BMX: variants seen among roughly 807,000 people sequenced by gnomAD.
The protein encoded by BMX is cytoplasmic tyrosine-protein kinase BMX.
In BMX, 31 loss-of-function variants were observed where a neutral mutation model predicts 59.2. That is an observed-to-expected ratio of 0.52 (90% CI 0.39 to 0.71). The LOEUF is 0.71. Ranked by LOEUF, BMX falls within the 30% of genes least tolerant of loss-of-function variation. The pLI is 0.00. For missense variants in BMX, 474 were observed against 491.7 expected, an observed-to-expected ratio of 0.96 and a Z score of 0.34; for synonymous variants, 185 against 181.0, an observed-to-expected ratio of 1.02 and a Z score of -0.18.
chrX:15,532,646 A>G (rs1323712813), intron 11 of BMX, among the ~76,000 whole-genome samples: 1 of 112,176 alleles, frequency 8.9e-6, no homozygotes, highest in Non-Finnish European at 1.9e-5. Flanking sequence ...CATGTGCCCT[A>G]CCCCACAGTG....
At chrX:15,528,302 C>T (rs1010012208) in intron 9 of BMX, among the ~76,000 whole-genome samples, 9 of 111,817 alleles carry the variant, frequency 8.0e-5, no homozygotes, top group Admixed American at 2.8e-4. Flanking sequence ...ATGAGCAATT[C>T]CAGTCAATTC....
intron 4 of BMX, among the ~76,000 whole-genome samples, chrX:15,513,604 G>A (rs1924040601): frequency 8.9e-6 from 1 of 111,993 alleles, no homozygotes; most frequent in Non-Finnish European, 1.9e-5. Context: ...AGACATTTAA[G>A]ATAGAATTTT....
chrX:15,554,294 C>A (rs1465429996), intron 18 of BMX, among the ~76,000 whole-genome samples: 1 of 112,199 alleles, frequency 8.9e-6, no homozygotes, highest in Non-Finnish European at 1.9e-5. Flanking sequence ...TTGAAGAATT[C>A]TTGCCAATCT....
chrX:15,531,553 G>A, intron 11 of BMX, 146 bp downstream of exon 11: 22 of 515,844 alleles, frequency 4.3e-5, no homozygotes, highest in Non-Finnish European at 7.0e-5. Flanking sequence ...ACCATTTGTA[G>A]TTGCCTCCAC....
intron 18 of BMX, among the ~76,000 whole-genome samples, chrX:15,554,383 G>A (rs993556990): frequency 1.8e-5 from 2 of 111,272 alleles, no homozygotes; most frequent in Admixed American, 9.6e-5. Flanking sequence ...CTCTTTTCAC[G>A]TTTTTAAGGG....
In BMX at chrX:15,522,497, A is replaced by G. The variant is rs766149401; in HGVS notation, c.662A>G (p.Lys221Arg). Residue 221 changes from lysine to arginine, a missense_variant, in exon 7 of 19, where the codon AAG becomes AGG. Transcript: ENST00000348343. ...CTAGCGCAATATGACAGCAACTCAA[A>G]GAAAATCTATGGCTCCCAGCCAAAC... ...TSLAQYDSNS[K>R]KIYGSQPNFN... 1.7e-5 allele frequency: 20 copies of G among 1,211,066 alleles called. No homozygotes were observed. In the Middle Eastern group the frequency reaches 6.9e-4, roughly 42 times the overall value.
chrX:15,521,183 C>G (rs1924434522), intron 6 of BMX, among the ~76,000 whole-genome samples: 1 of 111,392 alleles, frequency 9.0e-6, no homozygotes, highest in Admixed American at 9.5e-5. Flanking sequence ...TCACAGAACC[C>G]CAGGGACACC....
At chrX:15,552,598 T>C (rs1926249738) in intron 18 of BMX, among the ~76,000 whole-genome samples, 2 of 112,247 alleles carry the variant, frequency 1.8e-5, no homozygotes, top group African/African-American at 6.5e-5. Context: ...TTAATTACTT[T>C]GGCTTTAATC....
At position 15,539,976 on chromosome X, in the gene BMX, G is replaced by T. The variant is rs147417540; in HGVS notation, c.1395-2006G>T. 9.9e-4 allele frequency among the ~76,000 whole-genome samples: 111 copies of T among 112,489 alleles called. No homozygotes were observed. The East Asian group carries it at 0.025, about 25-fold the overall frequency. On this transcript the variant is annotated intron_variant, in intron 14 of 18. Coordinates refer to ENST00000348343, the MANE Select transcript of BMX (RefSeq NM_203281.3). ...AGAGAAATAGGAACGCTTTTACACT[G>T]TTGGTGGGAGTGTAAATTATTTCAA...
At chrX:15,526,987 ATAACT>A (rs1302777357) in intron 9 of BMX, among the ~76,000 whole-genome samples, 8 of 109,459 alleles carry the variant, frequency 7.3e-5, no homozygotes, top group Non-Finnish European at 1.1e-4. Context: ...ACATTTTAAA[ATAACT>A]TAAAGAGTAT....
chrX:15,504,327 T>C (rs1256734433), intron 1 of BMX, among the ~76,000 whole-genome samples: 2 of 111,921 alleles, frequency 1.8e-5, no homozygotes, highest in Non-Finnish European at 3.8e-5. Context: ...CCTATCTCAA[T>C]TTACAGATCA....
chrX:15,538,132 TTCTC>T (rs1245860336), intron 14 of BMX, among the ~76,000 whole-genome samples: 18 of 108,674 alleles, frequency 1.7e-4, no homozygotes, highest in Non-Finnish European at 3.3e-4. Context: ...CCTCTGTGTC[TTCTC>T]TCTCTCTCTC....
At chrX:15,504,854 T>A (rs1323716602) in intron 1 of BMX, among the ~76,000 whole-genome samples, 1 of 112,052 alleles carries the variant, frequency 8.9e-6, no homozygotes, top group Non-Finnish European at 1.9e-5. Flanking sequence ...ATAGGTCTAT[T>A]CTATGTGGGT....
Position 15,531,327 on chromosome X carries a change from G to T in BMX, c.940-1G>T. 8.4e-7 allele frequency: 1 copy of T among 1,194,635 alleles called. No individual in the cohort carries two copies. Among genetic ancestry groups the T allele is most frequent in the East Asian group, 3.0e-5 (1 of 33,660 alleles). On this transcript the variant is annotated splice_acceptor_variant, in intron 10 of 18. Transcript: ENST00000348343. LOFTEE classifies it high-confidence loss of function. ...CCTTCTATATTTTCCTTCCTTTTCA[G>T]GGAAAAGAAGGAGCATTTATGGTTA...
chrX:15,555,478 G>C (rs886895328), intron 18 of BMX, among the ~76,000 whole-genome samples: 1 of 110,790 alleles, frequency 9.0e-6, no homozygotes, highest in Non-Finnish European at 1.9e-5. Context: ...CAGAGTGCTG[G>C]GATTACAGGC....
intron 18 of BMX, among the ~76,000 whole-genome samples, chrX:15,550,665 TACACACACAC>T (rs58905214): frequency 0.017 from 1,455 of 86,742 alleles, 14 homozygotes; most frequent in African/African-American, 0.03. Flanking sequence ...TCAAAGTCTT[TACACACACAC>T]ACACACACAC....
At chrX:15,527,248 ATATATATATATATATAT>A (rs1178056042) in intron 9 of BMX, among the ~76,000 whole-genome samples, 3 of 5,034 alleles carry the variant, frequency 6.0e-4, no homozygotes, top group African/African-American at 1.4e-3. Context: ...ACACACACAA[ATATATATATATATATAT>A]ATATATATAT....
At chrX:15,551,543 A>ATAT (rs1449858725) in intron 18 of BMX, among the ~76,000 whole-genome samples, 34 of 98,920 alleles carry the variant, frequency 3.4e-4, no homozygotes, top group African/African-American at 1.1e-3. Flanking sequence ...ATATATATAT[A>ATAT]TTTTTTTTTT....
At chrX:15,533,567 C>T (rs1925186504) in intron 11 of BMX, among the ~76,000 whole-genome samples, 1 of 112,537 alleles carries the variant, frequency 8.9e-6, no homozygotes, top group African/African-American at 3.2e-5. Flanking sequence ...AAGCCTGGTT[C>T]TTGACCACTA....
Sources: allele counts gnomAD v4.1 joint callset (sites outside exome capture counted in the v4.1 genomes callset), GRCh38; gene constraint gnomAD v4.1.1; transcripts MANE v1.5; gene names NCBI Gene and HGNC (gene_info 2026-07-23, HGNC 2026-07-21).